Variants in HECW1 observed in about 807,000 individuals in gnomAD.
The protein encoded by HECW1 is HECT, C2 and WW domain containing E3 ubiquitin protein ligase 1, also known as E3 ubiquitin-protein ligase HECW1.
Under a neutral mutation model 182.3 loss-of-function variants are expected in HECW1, and 61 were observed. That is an observed-to-expected ratio of 0.33 (90% CI 0.27 to 0.41). The LOEUF (loss-of-function observed/expected upper bound fraction) is 0.41. Ranked by LOEUF, HECW1 falls within the 10% of genes least tolerant of loss-of-function variation. HECW1 has a pLI of 1.00. For synonymous variants in HECW1, 859 were observed against 832.6 expected, an observed-to-expected ratio of 1.03 and a Z score of -0.55; for missense variants, 1,739 against 2,108.9, an observed-to-expected ratio of 0.82 and a Z score of 3.44.
chr7:43,300,888 C>T (rs1806676682), intron 3 of HECW1, among the ~76,000 whole-genome samples: 1 of 152,162 alleles, frequency 6.6e-6, no homozygotes, highest in African/African-American at 2.4e-5. Flanking sequence ...TCCCTGCACC[C>T]GCCCAGGAGC....
chr7:43,236,990 CA>C (rs367630673), intron 2 of HECW1, among the ~76,000 whole-genome samples: 4 of 133,740 alleles, frequency 3.0e-5, no homozygotes, highest in African/African-American at 5.7e-5. Context: ...TAAATGAAAC[CA>C]AAAAAAAACT....
At chr7:43,323,750 G>A (rs953428984) in intron 5 of HECW1, among the ~76,000 whole-genome samples, 15 of 152,128 alleles carry the variant, frequency 9.9e-5, no homozygotes, top group African/African-American at 2.4e-4. Context: ...TGGCTTGACC[G>A]TGCGCGGTGA....
At chr7:43,168,096 T>C (rs2152664309) in intron 2 of HECW1, among the ~76,000 whole-genome samples, 1 of 152,346 alleles carries the variant, frequency 6.6e-6, no homozygotes, top group South Asian at 2.1e-4. Context: ...TAGTTTATTT[T>C]TACAAGTAGA....
chr7:43,469,248 A>G (rs1050153764), intron 16 of HECW1, 143 bp downstream of exon 16: 5 of 789,798 alleles, frequency 6.3e-6, no homozygotes, highest in African/African-American at 3.4e-5. Context: ...GGGGCTGATA[A>G]CCACCCACAT....
intron 24 of HECW1, among the ~76,000 whole-genome samples, chr7:43,515,260 G>A (rs975113311): frequency 1.3e-5 from 2 of 151,672 alleles, no homozygotes; most frequent in Non-Finnish European, 2.9e-5. Context: ...ATTCCCAGGC[G>A]TTTGGGTTTT....
intron 24 of HECW1, among the ~76,000 whole-genome samples, chr7:43,515,912 C>T (rs2080126004): frequency 6.6e-6 from 1 of 152,038 alleles, no homozygotes; most frequent in South Asian, 2.1e-4. Context: ...GTGAAAGGTC[C>T]AAATTTATTT....
intron 8 of HECW1, among the ~76,000 whole-genome samples, chr7:43,433,255 A>G (rs1041585052): frequency 2.3e-4 from 35 of 152,236 alleles, no homozygotes; most frequent in African/African-American, 8.2e-4. Context: ...GAAGATTTAG[A>G]TTTGGTGTAA....
intron 2 of HECW1, among the ~76,000 whole-genome samples, chr7:43,161,317 T>A (rs1424307730): frequency 6.6e-6 from 1 of 152,190 alleles, no homozygotes; most frequent in Non-Finnish European, 1.5e-5. Context: ...ATTGGTAATG[T>A]TTTAGATTCA....
At chr7:43,307,637 TC>T (rs774898021) in intron 3 of HECW1, among the ~76,000 whole-genome samples, 4 of 152,102 alleles carry the variant, frequency 2.6e-5, no homozygotes, top group Non-Finnish European at 4.4e-5. Context: ...TTAAATTGCT[TC>T]TTCCAGACTG....
intron 24 of HECW1, chr7:43,522,162 C>T (rs1334162686): frequency 1.3e-5 from 2 of 152,178 alleles, no homozygotes. Context: ...TTACTCAAGC[C>T]ATGGTATTTT....
intron 2 of HECW1, among the ~76,000 whole-genome samples, chr7:43,198,449 ACCCT>A (rs1794697465): frequency 7.7e-6 from 1 of 129,264 alleles, no homozygotes; most frequent in Non-Finnish European, 1.6e-5. Context: ...ACACTCACCC[ACCCT>A]AACACGTACC....
In HECW1 at chr7:43,444,521, A is replaced by G; in HGVS notation, c.1349A>G (p.Gln450Arg). 1.2e-6 allele frequency: 2 copies of G among 1,611,770 alleles called. No individual in the cohort carries two copies. The highest frequency in any genetic ancestry group is 1.1e-5 in the South Asian group (1 of 90,666). The change falls in exon 11 of 30, where the codon CAG becomes CGG. Residue 450 changes from glutamine (Q) to arginine (R), a missense_variant. Physicochemically the swap from Gln to Arg is conservative, Grantham distance 43. This residue lies in a region of HECW1 where 971 missense variants were observed against 1,029.1 expected (regional missense o/e 0.94). Transcript: ENST00000395891. This position sits in a 1 kb window ranked among gnomAD's most constrained non-coding sequence, Gnocchi z 4.3. ...CTGGCCCAGGTGCAAAAGGACATCCAGCCTGCCCCCAGTGCAGAAGAGCTG... is the reference window on the plus strand; with the variant it reads ...CTGGCCCAGGTGCAAAAGGACATCCGGCCTGCCCCCAGTGCAGAAGAGCTG... ...ELLAQVQKDI[Q>R]PAPSAEELAE...
At position 43,271,788 on chromosome 7, in the gene HECW1, AG is replaced by A. The variant is rs74906678; in HGVS notation, c.27+27857del. Among the ~76,000 whole-genome samples the A allele has an allele frequency of 9.2e-3, 1,408 of 152,308 alleles. 40 individuals are homozygous for A. In the East Asian group the frequency reaches 0.11, roughly 12 times the overall value. On this transcript the variant is annotated intron_variant, in intron 3 of 29. Transcript: ENST00000395891. ...GGCCGTATTTCACAAAGCAATCCAC[AG>A]ATACAACACTATTCTTATCAAACTA...
rs1473527040 is a variant in HECW1, at chr7:43,554,581, G to T, written c.4511-11G>T. 6.2e-7 allele frequency: 1 copy of T among 1,608,010 alleles called. No individual in the cohort carries two copies. Among genetic ancestry groups the T allele is most frequent in the Non-Finnish European group, 8.5e-7 (1 of 1,176,558 alleles). On this transcript the variant is annotated splice_polypyrimidine_tract_variant and intron_variant, in intron 28 of 29. Transcript: ENST00000395891. The stretch of plus-strand genomic sequence containing the variant: ...ACATCCTGTCTTCCTCCCTCCCTTT[G>T]CCTCGTGCAGGTTACCACGATGGGC...
chr7:43,174,766 A>T (rs1030504385), intron 2 of HECW1, among the ~76,000 whole-genome samples: 3 of 152,190 alleles, frequency 2.0e-5, no homozygotes, highest in Non-Finnish European at 4.4e-5. Flanking sequence ...CAACTCATTG[A>T]CACACTAGAA....
chr7:43,288,064 A>G lies in HECW1; in HGVS notation c.28-23699A>G, dbSNP rs1458843368. On this transcript the variant is annotated intron_variant, in intron 3 of 29. Transcript: ENST00000395891. ...AAGCAACCCACCAGCACTCATTGTTAGATTTTCTGTGTGTTACAAATGGGA... is the reference window on the plus strand; with the variant it reads ...AAGCAACCCACCAGCACTCATTGTTGGATTTTCTGTGTGTTACAAATGGGA... Among the ~76,000 whole-genome samples the G allele has an allele frequency of 5.9e-5, 9 of 152,210 alleles. No homozygotes were observed. In the East Asian group the frequency reaches 1.7e-3, roughly 29 times the overall value.
chr7:43,383,764 T>C (rs969111366), intron 6 of HECW1, among the ~76,000 whole-genome samples: 1 of 152,202 alleles, frequency 6.6e-6, no homozygotes, highest in African/African-American at 2.4e-5. Context: ...CATTTGTGTA[T>C]AACTTTTGAC....
chr7:43,380,735 G>A (rs1223406132), intron 6 of HECW1, among the ~76,000 whole-genome samples: 2 of 151,844 alleles, frequency 1.3e-5, no homozygotes, highest in Non-Finnish European at 2.9e-5. Flanking sequence ...CACCATGTTG[G>A]CCAGGTTGAT....
Position 43,127,541 on chromosome 7 carries a change from AAAAAAG to A in HECW1, c.-32+13151_-32+13156del, listed in dbSNP as rs1786403490. 4.0e-5 allele frequency among the ~76,000 whole-genome samples: 6 copies of A among 151,572 alleles called. No individual in the cohort carries two copies. The South Asian group carries it at 1.2e-3, about 32-fold the overall frequency. ...TCCATCTCAAAAAAAAAAAAAAAAA[AAAAAAG>A]GAAAACAAACAGCCTTCTTGCTGAT... On this transcript the variant is annotated intron_variant, in intron 2 of 29. Coordinates refer to ENST00000395891, the MANE Select transcript of HECW1 (RefSeq NM_015052.5).
Sources: gnomAD v4.1 joint callset for allele counts (sites outside exome capture counted in the v4.1 genomes callset) on GRCh38, gnomAD v4.1.1 for gene constraint, gnomAD v4.1.1 regional missense constraint, Gnocchi (gnomAD v3.1) non-coding constraint, MANE v1.5 for transcripts, NCBI Gene and HGNC (gene_info 2026-07-23, HGNC 2026-07-21) for gene names.